The following SMPD3 variants were observed in gnomAD, a reference collection of about 807,000 sequenced individuals.
SMPD3 encodes sphingomyelin phosphodiesterase 3, also known as nSMase-2.
In SMPD3, 21 loss-of-function variants were observed where a neutral mutation model predicts 55.7. That is an observed-to-expected ratio of 0.38 (90% confidence interval 0.27 to 0.54). The LOEUF is 0.54. Ranked by LOEUF, SMPD3 falls within the 20% of genes least tolerant of loss-of-function variation. The probability of loss-of-function intolerance (pLI) is 0.80; values close to 1 mark genes in which losing one functional copy is unlikely to be tolerated. For synonymous variants in SMPD3, 457 were observed against 404.3 expected, an observed-to-expected ratio of 1.13 and a Z score of -1.56; for missense variants, 842 against 899.6, an observed-to-expected ratio of 0.94 and a Z score of 0.82.
At chr16:68,439,565 G>GC (rs1322810675) in intron 1 of SMPD3, among the ~76,000 whole-genome samples, 2 of 152,180 alleles carry the variant, frequency 1.3e-5, no homozygotes, top group Non-Finnish European at 2.9e-5. Flanking sequence ...CACCCGCTAT[G>GC]CTTTGAGTCA....
At chr16:68,370,745 C>T (rs1567782717) in intron 3 of SMPD3, 114 bp downstream of exon 3, 2 of 1,402,700 alleles carry the variant, frequency 1.4e-6, no homozygotes, top group Admixed American at 4.5e-5. Flanking sequence ...CCTCCCACTC[C>T]AACCTCCCAC....
intron 1 of SMPD3, among the ~76,000 whole-genome samples, chr16:68,399,771 C>T (rs2090191167): frequency 6.6e-6 from 1 of 152,226 alleles, no homozygotes; most frequent in South Asian, 2.1e-4. Flanking sequence ...AAGACTGCAG[C>T]AGTGGCCAGG....
chr16:68,421,386 C>T (rs1267495678), intron 1 of SMPD3, among the ~76,000 whole-genome samples: 3 of 152,168 alleles, frequency 2.0e-5, no homozygotes, highest in Non-Finnish European at 4.4e-5. Flanking sequence ...TGAGGGGGAG[C>T]CACAAAAGGG....
At chr16:68,384,661 C>T (rs2090017829) in intron 2 of SMPD3, among the ~76,000 whole-genome samples, 1 of 152,138 alleles carries the variant, frequency 6.6e-6, no homozygotes, top group African/African-American at 2.4e-5. Flanking sequence ...AGGTGCTCCC[C>T]CACCATCCCA....
At position 68,404,223 on chromosome 16, in the gene SMPD3, T is replaced by C. The variant is rs2090234902; in HGVS notation, c.-268-17564A>G. On this transcript the variant is annotated intron_variant, in intron 1 of 8. Coordinates refer to ENST00000219334, the MANE Select transcript of SMPD3 (RefSeq NM_018667.4). The surrounding 1 kb of genome is among the most constrained non-coding windows in gnomAD (Gnocchi z 4.0). ...TTTTGAGATGGAGTTTCGCTCTTGT[T>C]GCCCAGGCTGGACATTACAGGCATG... Among the ~76,000 whole-genome samples the C allele has an allele frequency of 1.3e-5, 2 of 151,324 alleles. No individual in the cohort carries two copies. Among genetic ancestry groups the C allele is most frequent in the African/African-American group, 2.4e-5 (1 of 41,126 alleles).
At chr16:68,446,374 T>A (rs1373344299) in intron 1 of SMPD3, among the ~76,000 whole-genome samples, 1 of 152,026 alleles carries the variant, frequency 6.6e-6, no homozygotes, top group African/African-American at 2.4e-5. Context: ...CCTGAGGGCA[T>A]CCACTCGGAC....
intron 2 of SMPD3, among the ~76,000 whole-genome samples, chr16:68,384,664 C>T (rs1298610345): frequency 6.6e-6 from 1 of 152,168 alleles, no homozygotes; most frequent in Admixed American, 6.5e-5. Flanking sequence ...TGCTCCCCCA[C>T]CATCCCAACT....
At chr16:68,361,464 A>G in intron 8 of SMPD3, 139 bp downstream of exon 8, 2 of 1,396,902 alleles carry the variant, frequency 1.4e-6, no homozygotes, top group East Asian at 2.3e-5. Flanking sequence ...CTGGGGCCCT[A>G]AGGGTCTGAG....
At chr16:68,421,854 C>G (rs187429934) in intron 1 of SMPD3, among the ~76,000 whole-genome samples, 2 of 152,322 alleles carry the variant, frequency 1.3e-5, no homozygotes, top group African/African-American at 4.8e-5. Flanking sequence ...TGTCCATATC[C>G]TAATCTCCAG....
chr16:68,421,017 C>T (rs1242558475), intron 1 of SMPD3, among the ~76,000 whole-genome samples: 1 of 152,198 alleles, frequency 6.6e-6, no homozygotes, highest in Non-Finnish European at 1.5e-5. Context: ...CTTGTCCTTC[C>T]AGACTTCAGA....
Position 68,374,778 on chromosome 16 carries a change from C to A in SMPD3, c.-206-2391G>T, listed in dbSNP as rs538851365. 6.6e-5 allele frequency among the ~76,000 whole-genome samples: 10 copies of A among 152,294 alleles called. No individual in the cohort carries two copies. The South Asian group carries it at 1.7e-3, about 25-fold the overall frequency. On this transcript the variant is annotated intron_variant, in intron 2 of 8. Coordinates refer to ENST00000219334, the MANE Select transcript of SMPD3 (RefSeq NM_018667.4). ...TTGTGTGGAGCCGGCTGTCTTCACACTGGCTGGACTGACATCCACAGGAGG... is the reference window on the plus strand; with the variant it reads ...TTGTGTGGAGCCGGCTGTCTTCACAATGGCTGGACTGACATCCACAGGAGG...
rs765934659 is a variant in SMPD3, at chr16:68,361,213, T to G, written c.1961A>C (p.Glu654Ala). The change falls in exon 9 of 9, where the codon GAG (glutamate) becomes GCG (alanine). Residue 654 changes from glutamate to alanine, a missense_variant. Transcript: ENST00000219334. ...CCCGCTGCTCCGGACGGTCTATGCC[T>G]CCTCCTCCCCCGAAGACACCATCAG... ...MRLMVSSGEE[E>A]A is the part of the protein sequence containing the mutation. 1.3e-5 allele frequency: 21 copies of G among 1,612,938 alleles called. No homozygotes were observed. The highest frequency in any genetic ancestry group is 2.2e-5 in the East Asian group (1 of 44,852).
At chr16:68,413,218 G>A (rs908555451) in intron 1 of SMPD3, among the ~76,000 whole-genome samples, 3 of 152,234 alleles carry the variant, frequency 2.0e-5, no homozygotes, top group Non-Finnish European at 4.4e-5. Flanking sequence ...TCAGCTCACT[G>A]TGGGGACCGA....
intron 1 of SMPD3, among the ~76,000 whole-genome samples, chr16:68,402,070 G>C (rs111228323): frequency 6.6e-6 from 1 of 152,128 alleles, no homozygotes; most frequent in Non-Finnish European, 1.5e-5. Flanking sequence ...CCCACGCCAC[G>C]GCTGGCTAGT....
chr16:68,433,829 C>T (rs1157189411), intron 1 of SMPD3, among the ~76,000 whole-genome samples: 1 of 151,962 alleles, frequency 6.6e-6, no homozygotes, highest in Admixed American at 6.6e-5. Flanking sequence ...AATTCTAAAC[C>T]CTATCTATGA....
intron 2 of SMPD3, among the ~76,000 whole-genome samples, chr16:68,372,992 C>G (rs1389761265): frequency 6.6e-6 from 1 of 152,178 alleles, no homozygotes; most frequent in South Asian, 2.1e-4. Flanking sequence ...TCACTGTGGC[C>G]CCAGCCTGCA....
chr16:68,403,956 C>T (rs192699155), intron 1 of SMPD3, among the ~76,000 whole-genome samples: 5 of 152,158 alleles, frequency 3.3e-5, no homozygotes, highest in Non-Finnish European at 7.4e-5. Flanking sequence ...AACGCCAGGT[C>T]CCAGGGAGGC....
At position 68,363,513 on chromosome 16, in the gene SMPD3, G is replaced by T. The variant is rs768742169; in HGVS notation, c.1692C>A (p.Thr564=). 6.2e-7 allele frequency: 1 copy of T among 1,614,064 alleles called. No individual in the cohort carries two copies. The highest frequency in any genetic ancestry group is 1.7e-5 in the Admixed American group (1 of 60,022). ...TNGLYDEDVC[T]PDNLQKVLES... is the part of the protein sequence containing the mutation. Reference sequence around the variant, plus strand: ...GTGCTTACTTCTGCAGGTTGTCGGGGGTGCACACATCCTCATCGTACAGGC... The same window carrying T: ...GTGCTTACTTCTGCAGGTTGTCGGGTGTGCACACATCCTCATCGTACAGGC... The change falls in exon 7 of 9, where the codon ACC becomes ACA. Residue 564 remains threonine (T), a synonymous_variant. Transcript: ENST00000219334.
chr16:68,428,787 T>C (rs1316488221), intron 1 of SMPD3, among the ~76,000 whole-genome samples: 3 of 152,138 alleles, frequency 2.0e-5, no homozygotes, highest in Non-Finnish European at 4.4e-5. Flanking sequence ...TCACACTTGG[T>C]CCCTGCCTTA....
Sources: gnomAD v4.1 joint callset for allele counts (sites outside exome capture counted in the v4.1 genomes callset) on GRCh38, gnomAD v4.1.1 for gene constraint, Gnocchi (gnomAD v3.1) non-coding constraint, MANE v1.5 for transcripts, NCBI Gene and HGNC (gene_info 2026-07-23, HGNC 2026-07-21) for gene names.